Variants in MGAT5 observed in about 807,000 individuals in gnomAD.
The protein encoded by MGAT5 is alpha-1,6-mannosylglycoprotein 6-beta-N-acetylglucosaminyltransferase A.
A neutral mutation model predicts 94.3 loss-of-function variants in MGAT5; 30 were observed. That is an observed-to-expected ratio of 0.32 (90% CI 0.24 to 0.43). MGAT5 has a LOEUF of 0.43. MGAT5 is among the 20% of genes least tolerant of loss of function. MGAT5 has a pLI of 1.00. For missense variants in MGAT5, 691 were observed against 905.5 expected, an observed-to-expected ratio of 0.76 and a Z score of 3.04; for synonymous variants, 310 against 322.9, an observed-to-expected ratio of 0.96 and a Z score of 0.43.
intron 10 of MGAT5, among the ~76,000 whole-genome samples, chr2:134,374,867 C>T (rs1363327213): frequency 6.6e-6 from 1 of 152,150 alleles, no homozygotes; most frequent in Non-Finnish European, 1.5e-5. Flanking sequence ...GTGATATGCT[C>T]CTGTGGTCCC....
In MGAT5 at chr2:134,256,322, A is replaced by G. The variant is rs565737113; in HGVS notation, c.241+1678A>G. On this transcript the variant is annotated intron_variant, in intron 1 of 15. Transcript: ENST00000281923. ...GTCACCATTAGTGTTACCAATGTAT[A>G]TGACACAGCAGGTAACACAGGTGCA... Among the ~76,000 whole-genome samples the G allele has an allele frequency of 3.9e-5, 6 of 152,342 alleles. No homozygotes were observed. In the East Asian group the frequency reaches 1.2e-3, roughly 29 times the overall value.
intron 2 of MGAT5, among the ~76,000 whole-genome samples, chr2:134,303,329 A>G (rs1573747015): frequency 1.3e-5 from 2 of 152,022 alleles, no homozygotes; most frequent in East Asian, 1.9e-4. Flanking sequence ...GTTTCTCCAC[A>G]TGTTTAATAA....
intron 1 of MGAT5, among the ~76,000 whole-genome samples, chr2:134,214,293 A>G (rs1341356697): frequency 3.3e-5 from 5 of 151,928 alleles, no homozygotes; most frequent in Non-Finnish European, 4.4e-5. Flanking sequence ...CTCTAAGAAA[A>G]TGAAGTGAGG....
intron 2 of MGAT5, among the ~76,000 whole-genome samples, chr2:134,271,310 G>A: frequency 6.6e-6 from 1 of 151,918 alleles, no homozygotes. Flanking sequence ...TTGTTAGGGT[G>A]ACCACGATTT....
At position 134,344,959 on chromosome 2, in the gene MGAT5, C is replaced by G. The variant is rs1688836832; in HGVS notation, c.1007C>G (p.Ser336Cys). The G allele has an allele frequency of 1.2e-6, 2 of 1,613,570 alleles. No individual in the cohort carries two copies. Among genetic ancestry groups the G allele is most frequent in the Non-Finnish European group, 1.7e-6 (2 of 1,179,652 alleles). The change falls in exon 8 of 16, where the codon TCT becomes TGT. Residue 336 changes from serine to cysteine, a missense_variant. Around this residue, in one of 4 missense-constraint regions of MGAT5, gnomAD observed 121 missense variants for 206.1 expected, o/e 0.59. Transcript: ENST00000281923. ...ATGAAGAAGGTTGTAGGAAACCGATCTGGCTGCCCAACTGTAGGAGACAGA... is the reference window on the plus strand; with the variant it reads ...ATGAAGAAGGTTGTAGGAAACCGATGTGGCTGCCCAACTGTAGGAGACAGA... ...EIMKKVVGNR[S>C]GCPTVGDRIV...
chr2:134,447,801 C>T (rs575554568), intron 15 of MGAT5, among the ~76,000 whole-genome samples: 2 of 152,332 alleles, frequency 1.3e-5, no homozygotes, highest in Admixed American at 6.5e-5. Context: ...CCAAAGGAAG[C>T]AAAGCCACCA....
At chr2:134,259,865 A>G (rs1407851980) in intron 1 of MGAT5, among the ~76,000 whole-genome samples, 1 of 152,226 alleles carries the variant, frequency 6.6e-6, no homozygotes, top group African/African-American at 2.4e-5. Flanking sequence ...AGGGAGAAAT[A>G]ATAAGCAAGA....
At chr2:134,173,458 A>G (rs991312854) in intron 1 of MGAT5, among the ~76,000 whole-genome samples, 1 of 152,158 alleles carries the variant, frequency 6.6e-6, no homozygotes, top group African/African-American at 2.4e-5. Flanking sequence ...ATCTTCCTGC[A>G]TGTACTGTGC....
chr2:134,314,783 G>A (rs999744799), intron 2 of MGAT5, among the ~76,000 whole-genome samples: 4 of 152,162 alleles, frequency 2.6e-5, no homozygotes, highest in African/African-American at 9.7e-5. Context: ...AAGGCCCGCA[G>A]GGAGCCTTGA....
At chr2:134,275,139 C>T (rs1684281488) in intron 2 of MGAT5, among the ~76,000 whole-genome samples, 1 of 152,188 alleles carries the variant, frequency 6.6e-6, no homozygotes, top group Non-Finnish European at 1.5e-5. Context: ...TGGGCAGTGG[C>T]TCAGCAGATG....
intron 1 of MGAT5, among the ~76,000 whole-genome samples, chr2:134,207,324 T>G (rs1198347775): frequency 6.6e-6 from 1 of 152,200 alleles, no homozygotes; most frequent in Non-Finnish European, 1.5e-5. Flanking sequence ...TGTAACATAC[T>G]CAGATTCTGG....
At chr2:134,402,674 A>G (rs978664278) in intron 10 of MGAT5, among the ~76,000 whole-genome samples, 9 of 152,244 alleles carry the variant, frequency 5.9e-5, no homozygotes, top group Non-Finnish European at 1.0e-4. Context: ...AGCAAGGATG[A>G]TATTTCAAAA....
At chr2:134,371,066 T>G (rs929924749) in intron 10 of MGAT5, among the ~76,000 whole-genome samples, 1 of 152,216 alleles carries the variant, frequency 6.6e-6, no homozygotes, top group African/African-American at 2.4e-5. Context: ...TCCATGAGGT[T>G]TCCTTGTCAC....
intron 9 of MGAT5, among the ~76,000 whole-genome samples, chr2:134,350,967 G>A (rs889361335): frequency 6.6e-6 from 1 of 152,016 alleles, no homozygotes; most frequent in Non-Finnish European, 1.5e-5. Context: ...CCTCCCCCTT[G>A]TACACAGCTA....
intron 14 of MGAT5, among the ~76,000 whole-genome samples, chr2:134,441,107 A>G (rs1342365384): frequency 6.6e-6 from 1 of 152,158 alleles, no homozygotes; most frequent in Non-Finnish European, 1.5e-5. Context: ...CTGAGAGACT[A>G]TTGACGACAC....
intron 1 of MGAT5, among the ~76,000 whole-genome samples, chr2:134,214,584 CA>C (rs961970629): frequency 3.3e-5 from 5 of 152,010 alleles, no homozygotes; most frequent in Non-Finnish European, 7.4e-5. Flanking sequence ...ATAGAGCTTT[CA>C]AGGGTCTTGG....
chr2:134,223,202 A>AT (rs1458360298), intron 1 of MGAT5, among the ~76,000 whole-genome samples: 2 of 151,668 alleles, frequency 1.3e-5, no homozygotes, highest in Non-Finnish European at 2.9e-5. Context: ...CTGTTTAGGC[A>AT]TTTTTTGTAC....
At chr2:134,426,408 G>A (rs1380099494) in intron 13 of MGAT5, among the ~76,000 whole-genome samples, 1 of 152,096 alleles carries the variant, frequency 6.6e-6, no homozygotes, top group Non-Finnish European at 1.5e-5. Flanking sequence ...CTGTATTTTT[G>A]GCTTTGAACC....
intron 10 of MGAT5, among the ~76,000 whole-genome samples, chr2:134,376,336 C>T (rs547239579): frequency 5.9e-5 from 9 of 152,098 alleles, no homozygotes; most frequent in Non-Finnish European, 1.3e-4. Context: ...CTCCTCCTTC[C>T]TCTTCCCTCC....
Sources: gnomAD v4.1 joint callset for allele counts (sites outside exome capture counted in the v4.1 genomes callset) on GRCh38, gnomAD v4.1.1 for gene constraint, gnomAD v4.1.1 regional missense constraint, MANE v1.5 for transcripts, NCBI Gene and HGNC (gene_info 2026-07-23, HGNC 2026-07-21) for gene names.